Variants in NREP observed in about 807,000 individuals in gnomAD.
NREP encodes neuronal regeneration-related protein.
In NREP, 5 loss-of-function variants were observed where a neutral mutation model predicts 8.6. That is an observed-to-expected ratio of 0.58 (90% CI 0.30 to 1.22). The LOEUF (loss-of-function observed/expected upper bound fraction) is 1.22, where lower values mean the gene tolerates loss of function less well. NREP is among the 50% of genes most tolerant of loss of function. The pLI is 0.07. For synonymous variants in NREP, 27 were observed against 28.0 expected (o/e 0.96, Z 0.11); for missense variants, 86 against 82.5 (o/e 1.04, Z -0.17).
chr5:111,927,175 G>T (rs1417591153), intron 2 of NREP, among the ~76,000 whole-genome samples: 1 of 152,006 alleles, frequency 6.6e-6, no homozygotes, highest in Admixed American at 6.6e-5. Context: ...GGTGTGTGGT[G>T]GGGGAGCCCT....
intron 2 of NREP, among the ~76,000 whole-genome samples, chr5:111,933,462 T>G (rs1012717355): frequency 3.9e-5 from 6 of 152,108 alleles, no homozygotes; most frequent in Non-Finnish European, 8.8e-5. Context: ...CTATAACAAT[T>G]GCACCTTGGC....
chr5:111,862,232 A>G (rs1180980484), intron 2 of NREP, among the ~76,000 whole-genome samples: 3 of 152,196 alleles, frequency 2.0e-5, no homozygotes, highest in African/African-American at 2.4e-5. Flanking sequence ...GCATTTATCC[A>G]TGCACAAATC....
intron 2 of NREP, among the ~76,000 whole-genome samples, chr5:111,777,982 G>A (rs1284056468): frequency 5.9e-5 from 9 of 152,106 alleles, no homozygotes; most frequent in Admixed American, 5.9e-4. Flanking sequence ...AATTTGAAAT[G>A]TTAAACAGCA....
intron 2 of NREP, among the ~76,000 whole-genome samples, chr5:111,873,364 G>T (rs1278606731): frequency 6.6e-6 from 1 of 152,194 alleles, no homozygotes; most frequent in East Asian, 1.9e-4. Flanking sequence ...ATATAGGCCA[G>T]AAGTCCAATG....
chr5:111,805,024 G>A (rs1001184677), intron 2 of NREP, among the ~76,000 whole-genome samples: 6 of 126,726 alleles, frequency 4.7e-5, no homozygotes, highest in Admixed American at 7.8e-5. Flanking sequence ...ACAACAAAAC[G>A]AAAAGAAACT....
At chr5:111,964,056 C>T (rs1464531641) in intron 2 of NREP, among the ~76,000 whole-genome samples, 1 of 152,178 alleles carries the variant, frequency 6.6e-6, no homozygotes, top group East Asian at 1.9e-4. Flanking sequence ...CCCAGGGAAA[C>T]CTTCACATGC....
chr5:111,962,252 T>G (rs553864883), intron 2 of NREP, among the ~76,000 whole-genome samples: 13 of 152,154 alleles, frequency 8.5e-5, no homozygotes, highest in Non-Finnish European at 1.8e-4. Context: ...ATTCATTAGT[T>G]TTAGCTAAGA....
chr5:111,964,313 T>C (rs1321669418), intron 2 of NREP, among the ~76,000 whole-genome samples: 3 of 152,216 alleles, frequency 2.0e-5, no homozygotes, highest in Non-Finnish European at 4.4e-5. Flanking sequence ...CTGTATAATA[T>C]TCCACATATT....
chr5:111,935,209 A>T (rs1184124335), intron 2 of NREP, among the ~76,000 whole-genome samples: 1 of 152,070 alleles, frequency 6.6e-6, no homozygotes, highest in East Asian at 1.9e-4. Context: ...GGGAGGTGAC[A>T]ATGGAAAGCA....
Position 111,867,694 on chromosome 5 carries a change from A to G in NREP, c.135+107580T>C, listed in dbSNP as rs1013219791. Among the ~76,000 whole-genome samples the G allele has an allele frequency of 2.0e-5, 3 of 152,284 alleles. No homozygotes were observed. In the South Asian group the frequency reaches 6.2e-4, roughly 32 times the overall value. On this transcript the variant is annotated intron_variant, in intron 2 of 3. Coordinates refer to the NREP transcript ENST00000395634. ...ATTAAGAGTCACATAGGAGTTTGAGAAACAGAGCCATCGAATAAGAAAACA... is the reference window on the plus strand; with the variant it reads ...ATTAAGAGTCACATAGGAGTTTGAGGAACAGAGCCATCGAATAAGAAAACA...
intron 2 of NREP, among the ~76,000 whole-genome samples, chr5:111,944,209 C>T (rs1007308869): frequency 1.3e-5 from 2 of 152,050 alleles, no homozygotes; most frequent in Admixed American, 6.6e-5. Flanking sequence ...AAATTTAAAT[C>T]TTCCTTGGTT....
intron 2 of NREP, among the ~76,000 whole-genome samples, chr5:111,955,518 T>C (rs187103085): frequency 2.2e-4 from 33 of 148,782 alleles, no homozygotes; most frequent in Non-Finnish European, 3.7e-4. Context: ...ACACATTCGG[T>C]TCTAAGACTT....
chr5:111,857,587 G>T (rs986780594), intron 2 of NREP, among the ~76,000 whole-genome samples: 2 of 152,038 alleles, frequency 1.3e-5, no homozygotes, highest in African/African-American at 4.8e-5. Flanking sequence ...TGGGTGTAGA[G>T]TAGGTGATCA....
intron 2 of NREP, among the ~76,000 whole-genome samples, chr5:111,753,731 A>C (rs572610471): frequency 1.3e-5 from 2 of 152,264 alleles, no homozygotes; most frequent in East Asian, 3.9e-4. Flanking sequence ...GCTTCACTAG[A>C]AGCAGTTTCT....
chr5:111,756,493 A>G (rs1750719611), intron 1 of NREP, among the ~76,000 whole-genome samples: 1 of 152,156 alleles, frequency 6.6e-6, no homozygotes, highest in African/African-American at 2.4e-5. Flanking sequence ...TGGAGAAACT[A>G]AAAGTTCTCA....
At chr5:111,967,613 A>G (rs1323896348) in intron 2 of NREP, among the ~76,000 whole-genome samples, 1 of 152,054 alleles carries the variant, frequency 6.6e-6, no homozygotes, top group Admixed American at 6.5e-5. Flanking sequence ...CCTCTCTGTG[A>G]GGAACGCCTC....
chr5:111,904,637 G>T (rs189547454), intron 2 of NREP, among the ~76,000 whole-genome samples: 1 of 152,030 alleles, frequency 6.6e-6, no homozygotes, highest in African/African-American at 2.4e-5. Flanking sequence ...ATGTGAAAGA[G>T]CCCCAGGAAC....
At chr5:111,966,571 T>A (rs924968280) in intron 2 of NREP, among the ~76,000 whole-genome samples, 1 of 151,984 alleles carries the variant, frequency 6.6e-6, no homozygotes, top group East Asian at 1.9e-4. Flanking sequence ...ATATATAGAT[T>A]TGATAAGACA....
intron 2 of NREP, among the ~76,000 whole-genome samples, chr5:111,886,715 C>G (rs1184630879): frequency 6.6e-6 from 1 of 150,398 alleles, no homozygotes; most frequent in South Asian, 2.1e-4. Flanking sequence ...AGTAAACTAT[C>G]GCAAGAACAA....
Sources: gnomAD v4.1 joint callset for allele counts (sites outside exome capture counted in the v4.1 genomes callset) on GRCh38, gnomAD v4.1.1 for gene constraint, MANE v1.5 for transcripts, NCBI Gene and HGNC (gene_info 2026-07-23, HGNC 2026-07-21) for gene names.